The following SATB2 variants were observed in gnomAD, a reference collection of about 807,000 sequenced individuals.
The protein encoded by SATB2 is SATB homeobox 2.
A neutral mutation model predicts 73.4 loss-of-function variants in SATB2; 1 was observed. The ratio of observed to expected loss-of-function variants is 0.01; its 90% CI spans 0.00 to 0.06. SATB2 has a LOEUF of 0.06. SATB2 is among the 10% of genes least tolerant of loss of function. SATB2 has a pLI of 1.00. For missense variants in SATB2, 459 were observed against 945.8 expected (o/e 0.49, Z 6.75); for synonymous variants, 397 against 367.0 (o/e 1.08, Z -0.93).
intron 3 of SATB2, among the ~76,000 whole-genome samples, chr2:199,408,271 C>T (rs1000014770): frequency 1.3e-5 from 2 of 152,040 alleles, no homozygotes; most frequent in Non-Finnish European, 2.9e-5. Context: ...GGCTATAACA[C>T]TTGACTATAT....
At chr2:199,312,778 T>A (rs1370230216) in intron 9 of SATB2, among the ~76,000 whole-genome samples, 3 of 152,174 alleles carry the variant, frequency 2.0e-5, no homozygotes, top group Non-Finnish European at 4.4e-5. Context: ...ACACCACGAA[T>A]GCTCTGATAT....
intron 9 of SATB2, among the ~76,000 whole-genome samples, chr2:199,321,824 AT>A (rs1687901129): frequency 6.6e-6 from 1 of 152,082 alleles, no homozygotes; most frequent in South Asian, 2.1e-4. Context: ...CTAGTCAGCT[AT>A]TTACAATAAG....
At chr2:199,374,729 C>T (rs573115377) in intron 5 of SATB2, among the ~76,000 whole-genome samples, 16 of 152,024 alleles carry the variant, frequency 1.1e-4, no homozygotes, top group Middle Eastern at 3.4e-3. Flanking sequence ...TTTGGGAGGC[C>T]GAGGCAGGAG....
intron 2 of SATB2, among the ~76,000 whole-genome samples, chr2:199,452,653 G>A (rs531785661): frequency 6.6e-6 from 1 of 152,130 alleles, no homozygotes; most frequent in African/African-American, 2.4e-5. Flanking sequence ...GAGAGGGGAC[G>A]CCAATTCTAG....
intron 10 of SATB2, among the ~76,000 whole-genome samples, chr2:199,276,251 T>C (rs1336364370): frequency 6.6e-6 from 1 of 152,234 alleles, no homozygotes; most frequent in Non-Finnish European, 1.5e-5. Flanking sequence ...AATCAAGTCA[T>C]CTTTTCTTCA....
chr2:199,452,264 T>C (rs1376712868), intron 2 of SATB2, among the ~76,000 whole-genome samples: 1 of 152,136 alleles, frequency 6.6e-6, no homozygotes, highest in Non-Finnish European at 1.5e-5. Context: ...AGCCAAACAT[T>C]AAAAAATGAA....
intron 2 of SATB2, among the ~76,000 whole-genome samples, chr2:199,451,842 T>C (rs1263317470): frequency 9.1e-6 from 1 of 109,974 alleles, no homozygotes. Context: ...TACATCAGTG[T>C]GTACTGCATA....
chr2:199,420,097 C>G (rs1574611918), intron 3 of SATB2, among the ~76,000 whole-genome samples: 2 of 152,108 alleles, frequency 1.3e-5, no homozygotes, highest in Admixed American at 1.3e-4. Context: ...AAACAGAATG[C>G]CTGGGTTTGA....
chr2:199,386,934 C>A (rs2105876076), intron 3 of SATB2, among the ~76,000 whole-genome samples: 1 of 152,250 alleles, frequency 6.6e-6, no homozygotes, highest in East Asian at 1.9e-4. Flanking sequence ...ATAATTCCAA[C>A]CCAGATAACC....
intron 7 of SATB2, among the ~76,000 whole-genome samples, chr2:199,337,105 T>C (rs1031493511): frequency 3.3e-5 from 5 of 152,160 alleles, no homozygotes; most frequent in Non-Finnish European, 7.4e-5. Context: ...ACTTTAAATA[T>C]TCAAGACACT....
intron 3 of SATB2, among the ~76,000 whole-genome samples, chr2:199,401,011 AT>A (rs939988755): frequency 3.3e-5 from 5 of 152,206 alleles, no homozygotes; most frequent in African/African-American, 1.2e-4. Flanking sequence ...AATCAGGTGT[AT>A]TTTGTTGGAC....
At chr2:199,434,429 A>G (rs184812931) in intron 2 of SATB2, among the ~76,000 whole-genome samples, 16 of 152,350 alleles carry the variant, frequency 1.1e-4, no homozygotes, top group Non-Finnish European at 5.9e-5. Flanking sequence ...AATTCACCAA[A>G]GATTTTTTTA....
chr2:199,368,867 A>T lies in SATB2; in HGVS notation c.598-160T>A, dbSNP rs185681936. ...TATTAACATCAAACACGATTACCTG[A>T]ATTTACCATCCCTTTAATTTATACA... is the stretch of plus-strand genomic sequence containing the variant. On this transcript the variant is annotated intron_variant, in intron 5 of 10. Transcript: ENST00000417098. 7.0e-5 allele frequency: 39 copies of T among 560,936 alleles called. No individual in the cohort carries two copies. The East Asian group carries it at 1.2e-3, about 17-fold the overall frequency. 34.7% of individuals were successfully genotyped at this position (560,936 alleles called of 1,614,324 possible).
At chr2:199,339,103 AT>A (rs760760360) in intron 7 of SATB2, among the ~76,000 whole-genome samples, 7 of 152,104 alleles carry the variant, frequency 4.6e-5, no homozygotes, top group Non-Finnish European at 7.4e-5. Context: ...CAGCTGCTAA[AT>A]TAGCCTTCTC....
Position 199,463,458 on chromosome 2 carries a change from T to C in SATB2, c.-141+1378A>G, listed in dbSNP as rs113776950. ...GAGGCAGAGGATCTCAGGCCCAAGG[T>C]GGCTGCGAAGAGCCCCGAGGCCTCG... On this transcript the variant is annotated intron_variant, in intron 1 of 11. Transcript: ENST00000260926. This position sits in a 1 kb window ranked among gnomAD's most constrained non-coding sequence, Gnocchi z 6.4. 0.036 allele frequency among the ~76,000 whole-genome samples: 5,514 copies of C among 152,190 alleles called. 326 individuals carry two copies. Among genetic ancestry groups the C allele is most frequent in the African/African-American group, 0.13 (5,207 of 41,532 alleles).
upstream of SATB2, among the ~76,000 whole-genome samples, chr2:199,465,728 C>T (rs1391415884): frequency 1.3e-5 from 2 of 152,036 alleles, no homozygotes; most frequent in Non-Finnish European, 2.9e-5. Flanking sequence ...ATACTTTTTT[C>T]GTTTTTGTTG....
At chr2:199,447,998 A>G (rs1692011540) in intron 2 of SATB2, among the ~76,000 whole-genome samples, 1 of 152,176 alleles carries the variant, frequency 6.6e-6, no homozygotes, top group Non-Finnish European at 1.5e-5. Context: ...AAAACAACAT[A>G]AACTCTCCAC....
At chr2:199,356,810 C>G (rs1411412735) in intron 6 of SATB2, among the ~76,000 whole-genome samples, 1 of 152,072 alleles carries the variant, frequency 6.6e-6, no homozygotes, top group East Asian at 1.9e-4. Flanking sequence ...TACTAACATA[C>G]CTTTTTCAAA....
intron 2 of SATB2, among the ~76,000 whole-genome samples, chr2:199,437,710 T>C (rs964987338): frequency 4.6e-5 from 7 of 152,224 alleles, no homozygotes; most frequent in Non-Finnish European, 1.5e-5. Flanking sequence ...TTTTACATAT[T>C]TAAGTTGTCT....
Sources: allele counts gnomAD v4.1 joint callset (sites outside exome capture counted in the v4.1 genomes callset), GRCh38; gene constraint gnomAD v4.1.1; non-coding constraint Gnocchi (gnomAD v3.1); transcripts MANE v1.5; gene names NCBI Gene and HGNC (gene_info 2026-07-23, HGNC 2026-07-21).